CPNE1: variants seen among roughly 807,000 people sequenced by gnomAD.
CPNE1 encodes copine 1, also known as copine-1.
A neutral mutation model predicts 63.2 loss-of-function variants in CPNE1; 58 were observed. That is an observed-to-expected ratio of 0.92 (90% CI 0.74 to 1.14). CPNE1 has a LOEUF of 1.14. Among genes scored for constraint, CPNE1 ranks in the 50% most tolerant of loss-of-function variants. CPNE1 has a pLI of 0.00. For synonymous variants in CPNE1, 237 were observed against 249.0 expected (o/e 0.95, Z 0.45); for missense variants, 672 against 661.7 (o/e 1.02, Z -0.17).
intron 1 of CPNE1, among the ~76,000 whole-genome samples, chr20:35,642,595 C>G (rs2032876186): frequency 6.6e-6 from 1 of 152,192 alleles, no homozygotes; most frequent in African/African-American, 2.4e-5. Context: ...TTGGCCCCAT[C>G]AAAGGACATG....
intron 1 of CPNE1, among the ~76,000 whole-genome samples, chr20:35,644,479 G>C (rs147496118): frequency 1.1e-3 from 163 of 152,294 alleles, no homozygotes; most frequent in African/African-American, 3.7e-3. Flanking sequence ...ACTCAGTACA[G>C]ATTTCCAGAA....
At chr20:35,655,957 A>G (rs2033873829) in intron 1 of CPNE1, among the ~76,000 whole-genome samples, 1 of 152,200 alleles carries the variant, frequency 6.6e-6, no homozygotes, top group African/African-American at 2.4e-5. Context: ...AAACTTTTCA[A>G]TCTGCCTTGT....
chr20:35,644,110 T>C (rs1004666309), intron 1 of CPNE1, among the ~76,000 whole-genome samples: 8 of 152,206 alleles, frequency 5.3e-5, no homozygotes, highest in Admixed American at 3.3e-4. Flanking sequence ...GAGGATTACA[T>C]GAGGACAGTC....
intron 1 of CPNE1, among the ~76,000 whole-genome samples, chr20:35,656,079 A>G (rs1601483335): frequency 6.6e-6 from 1 of 152,234 alleles, no homozygotes; most frequent in East Asian, 1.9e-4. Flanking sequence ...ACCTTGATTC[A>G]TTACCCCCAA....
At chr20:35,664,206 G>A (rs775308495) in intron 1 of CPNE1, among the ~76,000 whole-genome samples, 8 of 152,166 alleles carry the variant, frequency 5.3e-5, no homozygotes, top group Admixed American at 2.0e-4. Flanking sequence ...GAAGGCGGCC[G>A]GTTGTGACAC....
intron 1 of CPNE1, chr20:35,653,571 A>T (rs1214949876): frequency 1.9e-6 from 3 of 1,614,200 alleles, no homozygotes; most frequent in Non-Finnish European, 2.5e-6. Flanking sequence ...CCTGTCCTAG[A>T]CCTTGCCCAT....
At chr20:35,649,690 T>C (rs1256138463) in intron 1 of CPNE1, 1 of 152,558 alleles carries the variant, frequency 6.6e-6, no homozygotes, top group African/African-American at 2.4e-5. Flanking sequence ...AGTTTACAAA[T>C]TTGCTTATTT....
At chr20:35,628,304 ATAAAT>A (rs1169855681) in intron 13 of CPNE1, among the ~76,000 whole-genome samples, 1 of 151,608 alleles carries the variant, frequency 6.6e-6, no homozygotes, top group Non-Finnish European at 1.5e-5. Context: ...AAAATAAAAA[ATAAAT>A]TAAAAAAAAA....
At chr20:35,627,187 C>CAGAAAAAAAA (rs2031806737) in intron 14 of CPNE1, 93 bp downstream of exon 14, 1 of 485,186 alleles carries the variant, frequency 2.1e-6, no homozygotes, top group Non-Finnish European at 2.8e-6. Context: ...GAGTCCATCT[C>CAGAAAAAAAA]AAAAAAAAAA....
At chr20:35,660,178 T>C (rs2034151852) in intron 1 of CPNE1, among the ~76,000 whole-genome samples, 1 of 152,230 alleles carries the variant, frequency 6.6e-6, no homozygotes, top group East Asian at 1.9e-4. Flanking sequence ...TATTAATCTT[T>C]TACATGTTGT....
chr20:35,627,955 G>A (rs2031865752), intron 13 of CPNE1, among the ~76,000 whole-genome samples: 1 of 151,322 alleles, frequency 6.6e-6, no homozygotes, highest in African/African-American at 2.4e-5. Context: ...GGCCAGCTTA[G>A]GCAACATAGT....
rs776888682 is a variant in CPNE1 at position 35,632,173 on chromosome 20, A to G, written c.446T>C (p.Leu149Pro). ...TACTTCCAGACACACCTTCTTATCT[A>G]GGTTTCTGGCCTCTACCTCCATGGT... ...VVTMEVEARN[L>P]DKKDFLGKSD... The change falls in exon 5 of 16, where the codon CTA becomes CCA. Residue 149 changes from leucine (L) to proline (P), a missense_variant. Leu to Pro is a moderately conservative substitution (Grantham distance 98). Transcript: ENST00000397443. 1.2e-6 allele frequency: 2 copies of G among 1,613,906 alleles called. No individual in the cohort carries two copies. Among genetic ancestry groups the G allele is most frequent in the South Asian group, 2.2e-5 (2 of 91,072 alleles).
intron 1 of CPNE1, chr20:35,655,291 G>A (rs758727474): frequency 6.2e-7 from 1 of 1,611,518 alleles, no homozygotes; most frequent in Admixed American, 1.7e-5. Context: ...CGCCACAATT[G>A]GGAGACCTTG....
At chr20:35,664,726 A>G (rs2034448056) in intron 1 of CPNE1, 34 bp downstream of exon 1, 2 of 152,420 alleles carry the variant, frequency 1.3e-5, no homozygotes, top group African/African-American at 2.4e-5. Flanking sequence ...AGCCCCGCAC[A>G]GCCCCACCCG....
At chr20:35,638,017 C>G (rs776469777) in intron 1 of CPNE1, among the ~76,000 whole-genome samples, 1 of 152,218 alleles carries the variant, frequency 6.6e-6, no homozygotes, top group Non-Finnish European at 1.5e-5. Context: ...ACAGTAGATA[C>G]TCATCAGTAA....
chr20:35,662,727 C>A (rs1229162623), intron 1 of CPNE1, among the ~76,000 whole-genome samples: 1 of 152,144 alleles, frequency 6.6e-6, no homozygotes, highest in African/African-American at 2.4e-5. Context: ...AACACACTGG[C>A]CCACAACATC....
chr20:35,653,864 C>A, intron 1 of CPNE1: 1 of 1,614,076 alleles, frequency 6.2e-7, no homozygotes, highest in Non-Finnish European at 8.5e-7. Flanking sequence ...CGACACAGAG[C>A]AGCCTTATAG....
At chr20:35,662,662 T>G (rs1259136489) in intron 1 of CPNE1, among the ~76,000 whole-genome samples, 2 of 152,200 alleles carry the variant, frequency 1.3e-5, no homozygotes, top group African/African-American at 4.8e-5. Flanking sequence ...ACAGAATGGC[T>G]CTCTGCAAAA....
At chr20:35,647,606 T>C (rs1260775404) in intron 1 of CPNE1, among the ~76,000 whole-genome samples, 2 of 151,884 alleles carry the variant, frequency 1.3e-5, no homozygotes, top group African/African-American at 2.4e-5. Context: ...TGGACTCCAG[T>C]GATAGAGCAG....
Sources: gnomAD v4.1 joint callset for allele counts (sites outside exome capture counted in the v4.1 genomes callset) on GRCh38, gnomAD v4.1.1 for gene constraint, MANE v1.5 for transcripts, NCBI Gene and HGNC (gene_info 2026-07-23, HGNC 2026-07-21) for gene names.